The following LRMDA variants were observed in gnomAD, a reference collection of about 807,000 sequenced individuals.
LRMDA encodes leucine rich melanocyte differentiation associated.
A neutral mutation model predicts 29.8 loss-of-function variants in LRMDA; 18 were observed. The ratio of observed to expected loss-of-function variants is 0.60; its 90% confidence interval spans 0.42 to 0.90. LRMDA has a LOEUF of 0.90. LRMDA is among the 40% of genes least tolerant of loss of function. The probability of loss-of-function intolerance (pLI) is 0.00; values close to 1 mark genes in which losing one functional copy is unlikely to be tolerated. For missense variants in LRMDA, 273 were observed against 273.9 expected (o/e 1.00, Z 0.02); for synonymous variants, 125 against 109.4 (o/e 1.14, Z -0.89).
chr10:75,937,265 T>G (rs1455674725), intron 2 of LRMDA, among the ~76,000 whole-genome samples: 2 of 152,216 alleles, frequency 1.3e-5, no homozygotes, highest in African/African-American at 4.8e-5. Context: ...CAGGAAAAGC[T>G]CCACCCTAAA....
chr10:75,917,016 G>A (rs140030181), intron 2 of LRMDA, among the ~76,000 whole-genome samples: 279 of 152,250 alleles, frequency 1.8e-3, no homozygotes, highest in Middle Eastern at 3.4e-3. Flanking sequence ...TTGCTTCTTT[G>A]CGAGTCTTTC....
At chr10:75,853,859 C>G (rs1844775535) in intron 2 of LRMDA, among the ~76,000 whole-genome samples, 1 of 152,168 alleles carries the variant, frequency 6.6e-6, no homozygotes, top group African/African-American at 2.4e-5. Context: ...TATTAGATTC[C>G]TACCCATAGT....
chr10:75,772,484 T>G (rs1055101623), intron 2 of LRMDA, among the ~76,000 whole-genome samples: 3 of 152,240 alleles, frequency 2.0e-5, no homozygotes, highest in Non-Finnish European at 2.9e-5. Flanking sequence ...CAGAGGCTTA[T>G]GTAACATTTG....
intron 6 of LRMDA, among the ~76,000 whole-genome samples, chr10:76,523,650 A>G (rs1271535149): frequency 1.3e-5 from 2 of 152,164 alleles, no homozygotes; most frequent in African/African-American, 4.8e-5. Flanking sequence ...CTTGTTATTT[A>G]TGGTCCTCGT....
chr10:76,517,160 A>T (rs1436436633), intron 6 of LRMDA, among the ~76,000 whole-genome samples: 1 of 152,176 alleles, frequency 6.6e-6, no homozygotes, highest in Non-Finnish European at 1.5e-5. Flanking sequence ...GGAAGAGAGA[A>T]TAGGAAAAAG....
At chr10:76,432,707 A>G (rs1309535660) in intron 6 of LRMDA, among the ~76,000 whole-genome samples, 2 of 152,220 alleles carry the variant, frequency 1.3e-5, no homozygotes, top group Non-Finnish European at 2.9e-5. Flanking sequence ...CATTTTACAG[A>G]TGAGGCGCAG....
chr10:75,592,561 T>C (rs970890686), intron 2 of LRMDA, among the ~76,000 whole-genome samples: 3 of 152,186 alleles, frequency 2.0e-5, no homozygotes, highest in Non-Finnish European at 4.4e-5. Context: ...TTGATATTAA[T>C]TCATCGGTAA....
rs745836013 is a variant in LRMDA at position 76,260,341 on chromosome 10, G to T, written c.517-64060G>T. Among the ~76,000 whole-genome samples, 124 of 152,052 alleles carry T rather than the reference G, an allele frequency of 8.2e-4. 1 individual carries two copies. The highest frequency in any genetic ancestry group is 4.7e-4 in the Non-Finnish European group (32 of 67,988). ...GATGATGAAGATTTTCCAGATGTAA[G>T]GCTTCCTTGAGCATTTCTTGTAAGG... On this transcript the variant is annotated intron_variant, in intron 5 of 6. Transcript: ENST00000611255.
chr10:75,574,821 T>G (rs1840482732), intron 2 of LRMDA, among the ~76,000 whole-genome samples: 1 of 152,200 alleles, frequency 6.6e-6, no homozygotes, highest in Non-Finnish European at 1.5e-5. Context: ...TGAAGTCCCT[T>G]CAGGCACCTC....
intron 2 of LRMDA, among the ~76,000 whole-genome samples, chr10:75,484,947 C>T (rs1434168723): frequency 2.6e-5 from 4 of 152,178 alleles, no homozygotes; most frequent in South Asian, 4.1e-4. Context: ...CAATGTTATA[C>T]TTACATTTGT....
intron 5 of LRMDA, among the ~76,000 whole-genome samples, chr10:76,186,628 A>G (rs531536490): frequency 6.6e-6 from 1 of 152,298 alleles, no homozygotes; most frequent in African/African-American, 2.4e-5. Context: ...TGGAGCCATT[A>G]GGCTGAACAG....
At chr10:75,746,465 T>G (rs1842892087) in intron 2 of LRMDA, among the ~76,000 whole-genome samples, 1 of 152,158 alleles carries the variant, frequency 6.6e-6, no homozygotes, top group Admixed American at 6.5e-5. Flanking sequence ...CTCAGGAAAA[T>G]CTGAGTGTAA....
At chr10:76,501,714 T>A (rs773239267) in intron 6 of LRMDA, among the ~76,000 whole-genome samples, 1 of 151,982 alleles carries the variant, frequency 6.6e-6, no homozygotes, top group Non-Finnish European at 1.5e-5. Context: ...TATTTCTTTA[T>A]TGCTTGTTGA....
chr10:76,289,754 A>C (rs922675206), intron 5 of LRMDA, among the ~76,000 whole-genome samples: 8 of 152,196 alleles, frequency 5.3e-5, no homozygotes, highest in African/African-American at 1.9e-4. Context: ...ATGGATCAGT[A>C]ATTGTCCTGA....
chr10:76,106,730 C>T (rs1012854567), intron 5 of LRMDA, among the ~76,000 whole-genome samples: 36 of 152,304 alleles, frequency 2.4e-4, no homozygotes, highest in African/African-American at 7.9e-4. Flanking sequence ...CTGTGTAGTG[C>T]GTCTTCCAAA....
intron 6 of LRMDA, among the ~76,000 whole-genome samples, chr10:76,399,343 C>T (rs1228750235): frequency 6.6e-6 from 1 of 152,212 alleles, no homozygotes; most frequent in Admixed American, 6.5e-5. Flanking sequence ...CGCAGACATA[C>T]TAAAGTTTTT....
At chr10:75,481,668 G>A (rs1255667136) in intron 2 of LRMDA, among the ~76,000 whole-genome samples, 4 of 152,276 alleles carry the variant, frequency 2.6e-5, no homozygotes, top group East Asian at 1.9e-4. Flanking sequence ...CTGATTATGC[G>A]ATTTTCTTGC....
intron 2 of LRMDA, among the ~76,000 whole-genome samples, chr10:75,911,570 A>G (rs1267477497): frequency 1.3e-5 from 2 of 152,250 alleles, no homozygotes; most frequent in Non-Finnish European, 2.9e-5. Flanking sequence ...TCACAAGAGC[A>G]GGTAATGCTG....
rs78861323 is a variant in LRMDA at position 75,600,831 on chromosome 10, G to C, written c.131+162337G>C. ...AAATGTTGAAATGTTGCTGGGCTAT[G>C]ATCTACTAATCCTTCAAGTGTGCTG... On this transcript the variant is annotated intron_variant, in intron 2 of 6. Transcript: ENST00000611255. 8.3e-3 allele frequency among the ~76,000 whole-genome samples: 1,269 copies of C among 152,358 alleles called. 17 individuals are homozygous for C. Among genetic ancestry groups the C allele is most frequent in the African/African-American group, 0.029 (1,224 of 41,594 alleles).
Sources: gnomAD v4.1 joint callset for allele counts (sites outside exome capture counted in the v4.1 genomes callset) on GRCh38, gnomAD v4.1.1 for gene constraint, MANE v1.5 for transcripts, NCBI Gene and HGNC (gene_info 2026-07-23, HGNC 2026-07-21) for gene names.